Variants in RRM2 observed in about 807,000 individuals in gnomAD.
The protein encoded by RRM2 is ribonucleotide reductase regulatory subunit M2, also known as ribonucleoside-diphosphate reductase subunit M2.
In RRM2, 6 loss-of-function variants were observed where a neutral mutation model predicts 45.9. That is an observed-to-expected ratio of 0.13 (90% CI 0.07 to 0.26). RRM2 has a LOEUF of 0.26. RRM2 is among the 10% of genes least tolerant of loss of function. The pLI is 1.00. For synonymous variants in RRM2, 177 were observed against 173.0 expected, an observed-to-expected ratio of 1.02 and a Z score of -0.18; for missense variants, 343 against 489.5, an observed-to-expected ratio of 0.70 and a Z score of 2.82.
chr2:10,160,999 T>C (rs1290677965), intron 3 of RRM2, among the ~76,000 whole-genome samples: 1 of 152,222 alleles, frequency 6.6e-6, no homozygotes. Flanking sequence ...CCTCCCTCTT[T>C]GGGGCTGCAG....
chr2:10,135,726 T>C (rs1662977898), downstream of RRM2, among the ~76,000 whole-genome samples: 2 of 152,148 alleles, frequency 1.3e-5, no homozygotes, highest in African/African-American at 2.4e-5. Context: ...AAACAATTAC[T>C]ATAGGAAAAA....
chr2:10,173,749 C>T (rs1264242252), intron 3 of RRM2, among the ~76,000 whole-genome samples: 1 of 152,228 alleles, frequency 6.6e-6, no homozygotes, highest in Non-Finnish European at 1.5e-5. Context: ...TTCAGTATAA[C>T]CCAGTTCAGT....
intron 3 of RRM2, among the ~76,000 whole-genome samples, chr2:10,159,197 G>A (rs1263951699): frequency 1.3e-5 from 2 of 152,270 alleles, no homozygotes; most frequent in African/African-American, 4.8e-5. Flanking sequence ...TGTGGGTGGA[G>A]ACACCCTTAG....
intron 3 of RRM2, among the ~76,000 whole-genome samples, chr2:10,173,926 C>T (rs915425184): frequency 3.9e-5 from 6 of 152,118 alleles, no homozygotes; most frequent in African/African-American, 9.7e-5. Flanking sequence ...CCGTGGGGGG[C>T]GTGATCTGGC....
At chr2:10,177,710 T>TTCCTCC (rs1553326755) in intron 3 of RRM2, among the ~76,000 whole-genome samples, 1,217 of 116,444 alleles carry the variant, frequency 0.01, 22 homozygotes, top group African/African-American at 0.037. Context: ...TTCCTTCCTC[T>TTCCTCC]CTCCCTCCCT....
chr2:10,131,575 C>T (rs1662902293), downstream of RRM2, among the ~76,000 whole-genome samples: 1 of 152,070 alleles, frequency 6.6e-6, no homozygotes, highest in South Asian at 2.1e-4. Context: ...CCCATCTCTA[C>T]TAAAAATACA....
chr2:10,155,158 G>T, intron 3 of RRM2: 1 of 337,266 alleles, frequency 3.0e-6, no homozygotes, highest in South Asian at 2.8e-5. Context: ...CTCGGATCCT[G>T]TTTGAAACCA....
intron 3 of RRM2, among the ~76,000 whole-genome samples, chr2:10,159,385 C>A (rs895817047): frequency 6.6e-6 from 1 of 152,220 alleles, no homozygotes; most frequent in African/African-American, 2.4e-5. Flanking sequence ...AGAGACCTGT[C>A]TTTTGGCTGC....
upstream of RRM2, chr2:10,122,642 A>G: frequency 6.5e-7 from 1 of 1,544,596 alleles, no homozygotes; most frequent in South Asian, 1.2e-5. Context: ...GAGGCATGGC[A>G]CAGCCAATGG....
intron 3 of RRM2, among the ~76,000 whole-genome samples, chr2:10,194,218 A>G (rs1664366742): frequency 1.3e-5 from 2 of 152,210 alleles, no homozygotes; most frequent in Admixed American, 6.5e-5. Flanking sequence ...CTGGGTGCAC[A>G]AGGCCGTGGC....
At chr2:10,177,578 A>G (rs1663942591) in intron 3 of RRM2, among the ~76,000 whole-genome samples, 1 of 152,010 alleles carries the variant, frequency 6.6e-6, no homozygotes. Flanking sequence ...CTCTAGTTCT[A>G]CACACTTTTA....
At chr2:10,194,935 T>C (rs1289934961) in intron 3 of RRM2, among the ~76,000 whole-genome samples, 1 of 152,206 alleles carries the variant, frequency 6.6e-6, no homozygotes, top group African/African-American at 2.4e-5. Context: ...TTGCTAGACC[T>C]CTCGGCGTCT....
intron 3 of RRM2, among the ~76,000 whole-genome samples, chr2:10,177,308 C>A (rs1429407760): frequency 6.6e-6 from 1 of 151,932 alleles, no homozygotes; most frequent in Admixed American, 6.6e-5. Context: ...CTGATCATCA[C>A]ATAAAGTTTT....
At chr2:10,136,614 T>G (rs569213588), upstream of RRM2, among the ~76,000 whole-genome samples, 1 of 151,886 alleles carries the variant, frequency 6.6e-6, no homozygotes, top group Non-Finnish European at 1.5e-5. Context: ...TATAGAAAAA[T>G]TTTTAAAAAT....
At chr2:10,165,668 G>T (rs1663664600) in intron 3 of RRM2, among the ~76,000 whole-genome samples, 2 of 152,180 alleles carry the variant, frequency 1.3e-5, no homozygotes, top group Non-Finnish European at 2.9e-5. Flanking sequence ...ATCCTCTCCT[G>T]GGTGACCAGG....
downstream of RRM2, among the ~76,000 whole-genome samples, chr2:10,134,170 C>CAAA (rs35568069): frequency 6.9e-5 from 7 of 101,496 alleles, no homozygotes; most frequent in South Asian, 6.6e-4. Context: ...AACTCCATCT[C>CAAA]AAAAAAAAAA....
chr2:10,138,311 G>A (rs1040635641), upstream of RRM2, among the ~76,000 whole-genome samples: 4 of 152,144 alleles, frequency 2.6e-5, no homozygotes, highest in African/African-American at 9.7e-5. Flanking sequence ...GGGATTACGG[G>A]CACATGCCAC....
chr2:10,166,498 T>C lies in RRM2; in HGVS notation n.482+24123T>C, dbSNP rs140351782. On this transcript the variant is annotated intron_variant and non_coding_transcript_variant, in intron 3 of 3. Transcript: ENST00000381786. ...GGTCAGGGATACCGCGTGTGCTCCC[T>C]GCTGTCTGCGTCCGTGTCTGGCAAA... Among the ~76,000 whole-genome samples, 1,140 of 152,360 alleles carry C rather than the reference T, an allele frequency of 7.5e-3. 12 individuals carry two copies. The highest frequency in any genetic ancestry group is 0.026 in the African/African-American group (1,087 of 41,590).
chr2:10,126,194 C>G (rs796952161), intron 5 of RRM2, among the ~76,000 whole-genome samples: 1 of 11,636 alleles, frequency 8.6e-5, no homozygotes, highest in Non-Finnish European at 2.0e-4. Context: ...AAAAAAAAAG[C>G]TGCCCAATGT....
Sources: allele counts gnomAD v4.1 joint callset (sites outside exome capture counted in the v4.1 genomes callset), GRCh38; gene constraint gnomAD v4.1.1; transcripts MANE v1.5; gene names NCBI Gene and HGNC (gene_info 2026-07-23, HGNC 2026-07-21).